SESN1: variants seen among roughly 807,000 people sequenced by gnomAD.
SESN1 encodes the protein sestrin 1.
A neutral mutation model predicts 59.3 loss-of-function variants in SESN1; 30 were observed. That is an observed-to-expected ratio of 0.51 (90% CI 0.38 to 0.69). The LOEUF is 0.69. Among genes scored for constraint, SESN1 ranks in the 30% least tolerant of loss-of-function variants. The pLI is 0.00. For missense variants in SESN1, 566 were observed against 673.0 expected (o/e 0.84, Z 1.76); for synonymous variants, 197 against 219.9 (o/e 0.90, Z 0.92).
chr6:109,046,881 G>C (rs1245667850), intron 1 of SESN1, among the ~76,000 whole-genome samples: 1 of 125,774 alleles, frequency 8.0e-6, no homozygotes, highest in Non-Finnish European at 1.7e-5. Context: ...GAGCCCCTCC[G>C]TCCGGCAGCT....
intron 1 of SESN1, among the ~76,000 whole-genome samples, chr6:109,056,377 C>G (rs1780633599): frequency 6.6e-6 from 1 of 152,192 alleles, no homozygotes; most frequent in Admixed American, 6.5e-5. Context: ...GCACTCCAGC[C>G]TGGGTGACAG....
chr6:109,011,131 CTTATCTT>C (rs1206620996), intron 1 of SESN1, among the ~76,000 whole-genome samples: 2 of 152,118 alleles, frequency 1.3e-5, no homozygotes, highest in Non-Finnish European at 1.5e-5. Context: ...ATGAAGAATG[CTTATCTT>C]TCCATTTTCT....
rs188901415 is a variant in SESN1 at position 109,047,655 on chromosome 6, G to C, written c.280-45312C>G. Among the ~76,000 whole-genome samples, 824 of 132,452 alleles carry C rather than the reference G, an allele frequency of 6.2e-3. 1 individual carries two copies. The highest frequency in any genetic ancestry group is 0.016 in the African/African-American group (581 of 36,698). The allele number at this position is 132,452 out of a possible 152,430, so 86.9% of individuals were successfully genotyped here. ...ATGGCGGCTTTGTGGAATAGAAAGG[G>C]GGGAAAGGTGGGGAAAAGATTGAGA... On this transcript the variant is annotated intron_variant, in intron 1 of 9. Transcript: ENST00000436639.
chr6:109,082,498 A>G (rs1309022099), intron 1 of SESN1, among the ~76,000 whole-genome samples: 3 of 152,188 alleles, frequency 2.0e-5, no homozygotes, highest in East Asian at 3.9e-4. Flanking sequence ...GGTCTTGACC[A>G]TTATCCTCCA....
chr6:109,036,882 A>G (rs1024143973), intron 1 of SESN1, among the ~76,000 whole-genome samples: 6 of 152,256 alleles, frequency 3.9e-5, no homozygotes, highest in Non-Finnish European at 8.8e-5. Flanking sequence ...AAACAGTCGT[A>G]AATCTGAGAG....
chr6:109,090,955 T>C (rs1418964735), intron 1 of SESN1, among the ~76,000 whole-genome samples: 1 of 152,076 alleles, frequency 6.6e-6, no homozygotes, highest in Admixed American at 6.5e-5. Flanking sequence ...TCTTGACTTT[T>C]TGTAGAGATG....
At chr6:109,070,283 C>T (rs1780908955) in intron 1 of SESN1, among the ~76,000 whole-genome samples, 1 of 152,178 alleles carries the variant, frequency 6.6e-6, no homozygotes, top group East Asian at 1.9e-4. Flanking sequence ...CATGTGCCCA[C>T]CCAGATTATG....
chr6:109,046,531 T>C (rs1780441605), intron 1 of SESN1, among the ~76,000 whole-genome samples: 3 of 145,594 alleles, frequency 2.1e-5, no homozygotes, highest in Non-Finnish European at 4.6e-5. Flanking sequence ...GGAGTGTCTC[T>C]GCCTGGCCAC....
intron 1 of SESN1, among the ~76,000 whole-genome samples, chr6:109,013,905 C>T (rs1051863096): frequency 6.6e-6 from 1 of 152,254 alleles, no homozygotes; most frequent in Non-Finnish European, 1.5e-5. Flanking sequence ...ATCTACATAG[C>T]TTGTCTGCTA....
intron 1 of SESN1, 95 bp downstream of exon 1, chr6:109,093,700 A>T: frequency 1.6e-6 from 2 of 1,261,696 alleles, no homozygotes; most frequent in Non-Finnish European, 2.2e-6. Flanking sequence ...AAAAGTTTAC[A>T]TAACAACCTA....
intron 1 of SESN1, chr6:109,009,524 C>T (rs1779814444): frequency 1.4e-5 from 17 of 1,182,324 alleles, no homozygotes; most frequent in Non-Finnish European, 2.1e-6. Context: ...GCCGCGGCTC[C>T]TGGCTGCAGC....
chr6:108,997,094 G>A (rs1779515413), intron 5 of SESN1, among the ~76,000 whole-genome samples: 1 of 152,020 alleles, frequency 6.6e-6, no homozygotes. Flanking sequence ...TCAGATACTG[G>A]ATATGTACCT....
At chr6:108,998,890 G>T in intron 4 of SESN1, 135 bp from the exon 5 acceptor site, 1 of 1,063,622 alleles carries the variant, frequency 9.4e-7, no homozygotes, top group Non-Finnish European at 1.3e-6. Context: ...TTTGAAACAT[G>T]TAGAACCCAG....
Position 109,094,216 on chromosome 6 carries a change from AACC to A in SESN1, c.-146_-144del. On this transcript the variant is annotated 5_prime_UTR_variant, in exon 1 of 10. Coordinates refer to ENST00000436639, the MANE Select transcript of SESN1 (RefSeq NM_014454.3). ...AAACACACATCTGGGTGACATTTGG[AACC>A]ACTGGTGCCTTCAGCCGATCTACAA... 1.1e-6 allele frequency: 1 copy of A among 880,980 alleles called. No homozygotes were observed. The highest frequency in any genetic ancestry group is 1.7e-5 in the African/African-American group (1 of 59,220). 54.6% of individuals were successfully genotyped at this position (880,980 alleles called of 1,614,324 possible). A position where few individuals can be genotyped will look rare whatever the true frequency, so the allele number is the denominator to read the frequency against.
chr6:108,987,212 C>T lies in SESN1; in HGVS notation c.*332G>A, dbSNP rs756003212. ...TCCAAGTCCCATTCTTTGCATGCTC[C>T]AATTCTTGTTATCTTATTTAACATA... On this transcript the variant is annotated 3_prime_UTR_variant, in exon 10 of 10. Transcript: ENST00000436639. The T allele has an allele frequency of 1.9e-4, 39 of 206,734 alleles. No homozygotes were observed. The highest frequency in any genetic ancestry group is 3.4e-4 in the Non-Finnish European group (36 of 104,352). The allele number at this position is 206,734 out of a possible 1,614,324, so 12.8% of individuals were successfully genotyped here. A position where few individuals can be genotyped will look rare whatever the true frequency, so the allele number is the denominator to read the frequency against.
intron 1 of SESN1, among the ~76,000 whole-genome samples, chr6:109,058,752 A>G (rs62427216): frequency 0.05 from 7,671 of 151,998 alleles, 279 homozygotes; most frequent in Non-Finnish European, 0.069. Flanking sequence ...AAATGACAGG[A>G]AATCCCGATC....
At position 109,074,989 on chromosome 6, in the gene SESN1, C is replaced by G. The variant is rs1781008123; in HGVS notation, c.279+18806G>C. ...AGCTGCTAGAGCCAGGCAGGCCTCT[C>G]CCACTGAGGCATGGTGAGCCCCACC... On this transcript the variant is annotated intron_variant, in intron 1 of 9. Coordinates refer to ENST00000436639, the MANE Select transcript of SESN1 (RefSeq NM_014454.3). 2.0e-5 allele frequency among the ~76,000 whole-genome samples: 3 copies of G among 152,202 alleles called. No individual in the cohort carries two copies. In the South Asian group the frequency reaches 6.2e-4, roughly 32 times the overall value.
At chr6:109,052,505 T>G (rs1470133982) in intron 1 of SESN1, among the ~76,000 whole-genome samples, 1 of 152,182 alleles carries the variant, frequency 6.6e-6, no homozygotes, top group Non-Finnish European at 1.5e-5. Context: ...AGATCAAACA[T>G]TACTTAAAAT....
chr6:109,090,945 T>C (rs958493828), intron 1 of SESN1, among the ~76,000 whole-genome samples: 1 of 152,102 alleles, frequency 6.6e-6, no homozygotes, highest in African/African-American at 2.4e-5. Flanking sequence ...AATTTTTTTT[T>C]CTTGACTTTT....
Sources: gnomAD v4.1 joint callset for allele counts (sites outside exome capture counted in the v4.1 genomes callset) on GRCh38, gnomAD v4.1.1 for gene constraint, MANE v1.5 for transcripts, NCBI Gene and HGNC (gene_info 2026-07-23, HGNC 2026-07-21) for gene names.